Variants in NPEPPS observed in about 807,000 individuals in gnomAD.
NPEPPS encodes the protein aminopeptidase puromycin sensitive.
In NPEPPS, 14 loss-of-function variants were observed where a neutral mutation model predicts 115.5. The observed-to-expected ratio is 0.12, with a 90% CI of 0.08 to 0.19. The LOEUF is 0.19. Among genes scored for constraint, NPEPPS ranks in the 10% least tolerant of loss-of-function variants. The pLI is 1.00. For synonymous variants in NPEPPS, 285 were observed against 390.6 expected (o/e 0.73, Z 3.19); for missense variants, 523 against 1,110.8 (o/e 0.47, Z 7.52).
At chr17:47,529,264 G>A (rs1026689958), upstream of NPEPPS, among the ~76,000 whole-genome samples, 12 of 151,428 alleles carry the variant, frequency 7.9e-5, no homozygotes, top group Admixed American at 7.9e-4. Flanking sequence ...TTAGAGACAG[G>A]GCCTCACTCT....
At chr17:47,609,517 T>C (rs1913715760) in intron 17 of NPEPPS, among the ~76,000 whole-genome samples, 1 of 152,250 alleles carries the variant, frequency 6.6e-6, no homozygotes, top group South Asian at 2.1e-4. Context: ...AATTACTTCT[T>C]GTAAGAATCA....
At chr17:47,619,921 T>C in intron 22 of NPEPPS, 137 bp downstream of exon 22, 1 of 681,218 alleles carries the variant, frequency 1.5e-6, no homozygotes, top group Non-Finnish European at 2.5e-6. Flanking sequence ...TGCAGGGCTG[T>C]ATAGGCCATA....
intron 15 of NPEPPS, among the ~76,000 whole-genome samples, chr17:47,603,334 C>T (rs948213152): frequency 5.9e-5 from 9 of 152,052 alleles, no homozygotes; most frequent in African/African-American, 2.2e-4. Flanking sequence ...ATCACTTGAA[C>T]CTGGGAGGTG....
chr17:47,548,648 C>T (rs1412247903), intron 2 of NPEPPS, among the ~76,000 whole-genome samples: 1 of 136,988 alleles, frequency 7.3e-6, no homozygotes, highest in Non-Finnish European at 1.5e-5. Flanking sequence ...ACGATCTCGG[C>T]TTGCTGCAAC....
intron 13 of NPEPPS, among the ~76,000 whole-genome samples, chr17:47,597,034 C>T (rs1273048482): frequency 1.4e-5 from 2 of 140,672 alleles, no homozygotes; most frequent in Non-Finnish European, 3.1e-5. Flanking sequence ...GGCAACAGAG[C>T]GAGACTTCGT....
chr17:47,619,288 T>G, intron 21 of NPEPPS, 124 bp downstream of exon 21: 1 of 976,428 alleles, frequency 1.0e-6, no homozygotes, highest in South Asian at 1.4e-5. Context: ...GTGCAGTGGC[T>G]CACGCCTGTA....
chr17:47,535,941 A>G lies in NPEPPS; in HGVS notation c.255+4386A>G, dbSNP rs543476327. ...AGCCTCTGCCTCCCGGGTTCAAGCA[A>G]TTCTCCTGCCTCAGCCTCCTGAGTA... On this transcript the variant is annotated intron_variant, in intron 1 of 22. Coordinates refer to ENST00000322157, the MANE Select transcript of NPEPPS (RefSeq NM_006310.4). Among the ~76,000 whole-genome samples the G allele has an allele frequency of 2.4e-3, 367 of 150,336 alleles. 3 individuals carry two copies. The highest frequency in any genetic ancestry group is 7.7e-3 in the African/African-American group (317 of 40,916).
intron 1 of NPEPPS, among the ~76,000 whole-genome samples, chr17:47,532,094 G>T (rs926626859): frequency 1.1e-4 from 16 of 152,094 alleles, no homozygotes; most frequent in Non-Finnish European, 1.8e-4. Context: ...GAAGGGGGGG[G>T]AGAGGGTGAG....
intron 2 of NPEPPS, among the ~76,000 whole-genome samples, chr17:47,565,136 A>G (rs1325645839): frequency 6.6e-6 from 1 of 152,216 alleles, no homozygotes; most frequent in African/African-American, 2.4e-5. Flanking sequence ...TATGTGATGT[A>G]AAGTAGTGAT....
At chr17:47,617,511 A>ATATATATT (rs1555613524) in intron 19 of NPEPPS, among the ~76,000 whole-genome samples, 1 of 151,350 alleles carries the variant, frequency 6.6e-6, no homozygotes, top group South Asian at 2.1e-4. Flanking sequence ...ATATATATAT[A>ATATATATT]TTTTTTAGGA....
intron 22 of NPEPPS, among the ~76,000 whole-genome samples, chr17:47,621,387 A>G (rs1480597595): frequency 6.6e-6 from 1 of 152,162 alleles, no homozygotes; most frequent in Non-Finnish European, 1.5e-5. Flanking sequence ...ATATTTTCTC[A>G]TAGTTGAGAA....
chr17:47,618,271 G>A (rs1597899583), intron 19 of NPEPPS, 79 bp from the exon 20 acceptor site: 1 of 878,384 alleles, frequency 1.1e-6, no homozygotes, highest in East Asian at 2.5e-5. Context: ...TTACCTTACT[G>A]GGGAAGAAGC....
intron 3 of NPEPPS, among the ~76,000 whole-genome samples, chr17:47,572,257 A>G (rs571515525): frequency 6.6e-5 from 10 of 152,304 alleles, no homozygotes; most frequent in Non-Finnish European, 1.5e-4. Context: ...TCTATAAAAA[A>G]TAAAATAAAA....
At chr17:47,533,507 TA>T (rs1316023113) in intron 1 of NPEPPS, among the ~76,000 whole-genome samples, 1 of 151,714 alleles carries the variant, frequency 6.6e-6, no homozygotes, top group Non-Finnish European at 1.5e-5. Context: ...AGACTAACAT[TA>T]AAAAAAACAT....
chr17:47,556,725 T>G (rs535256972), intron 2 of NPEPPS, among the ~76,000 whole-genome samples: 1 of 152,170 alleles, frequency 6.6e-6, no homozygotes, highest in African/African-American at 2.4e-5. Context: ...CCCGCCTCCC[T>G]CCGGGACGGG....
At chr17:47,538,174 T>C (rs1908452827) in intron 1 of NPEPPS, among the ~76,000 whole-genome samples, 1 of 148,642 alleles carries the variant, frequency 6.7e-6, no homozygotes, top group African/African-American at 2.5e-5. Flanking sequence ...ATTACAAGTG[T>C]GAGCCACCGC....
At chr17:47,575,069 A>C (rs576273768) in intron 3 of NPEPPS, among the ~76,000 whole-genome samples, 1 of 152,250 alleles carries the variant, frequency 6.6e-6, no homozygotes, top group Non-Finnish European at 1.5e-5. Flanking sequence ...ACATTGTGCT[A>C]TCTTTATTTT....
At chr17:47,533,094 G>A (rs1907942314) in intron 1 of NPEPPS, among the ~76,000 whole-genome samples, 5 of 152,070 alleles carry the variant, frequency 3.3e-5, no homozygotes, top group Admixed American at 3.3e-4. Flanking sequence ...AAAACCAAGA[G>A]GGTACGGTAC....
Position 47,610,484 on chromosome 17 carries a change from A to G in NPEPPS, c.2096-1976A>G, listed in dbSNP as rs866358328. 7.4e-4 allele frequency among the ~76,000 whole-genome samples: 112 copies of G among 151,714 alleles called. No individual in the cohort carries two copies. In the Middle Eastern group the frequency reaches 0.024, roughly 32 times the overall value. On this transcript the variant is annotated intron_variant, in intron 17 of 22. Coordinates refer to ENST00000322157, the MANE Select transcript of NPEPPS (RefSeq NM_006310.4). ...CTGCAACCTCCGCCTCCTGGGTTCA[A>G]GCAATTCTCCTGCCTCAGCCTCCCC...
Sources: allele counts gnomAD v4.1 joint callset (sites outside exome capture counted in the v4.1 genomes callset), GRCh38; gene constraint gnomAD v4.1.1; transcripts MANE v1.5; gene names NCBI Gene and HGNC (gene_info 2026-07-23, HGNC 2026-07-21).